KAZN: variants seen among roughly 807,000 people sequenced by gnomAD.
The protein encoded by KAZN is kazrin.
A neutral mutation model predicts 87.4 loss-of-function variants in KAZN; 40 were observed. The ratio of observed to expected loss-of-function variants is 0.46; its 90% CI spans 0.36 to 0.60. The LOEUF is 0.60. Ranked by LOEUF, KAZN falls within the 20% of genes least tolerant of loss-of-function variation. KAZN has a pLI of 0.00. For synonymous variants in KAZN, 466 were observed against 458.3 expected (o/e 1.02, Z -0.22); for missense variants, 898 against 1,073.9 (o/e 0.84, Z 2.29).
chr1:14,625,907 C>T (rs1417229032), intron 1 of KAZN, among the ~76,000 whole-genome samples: 1 of 152,224 alleles, frequency 6.6e-6, no homozygotes, highest in Non-Finnish European at 1.5e-5. Context: ...TTCTCCCTGG[C>T]CGCACCCATA....
At chr1:15,025,235 G>A (rs1038516176) in intron 2 of KAZN, among the ~76,000 whole-genome samples, 2 of 152,190 alleles carry the variant, frequency 1.3e-5, no homozygotes, top group Non-Finnish European at 2.9e-5. Flanking sequence ...TTTGGCCCAG[G>A]TGAGGGAAAT....
At chr1:14,497,758 A>G (rs186142642) in intron 2 of KAZN, among the ~76,000 whole-genome samples, 11 of 152,266 alleles carry the variant, frequency 7.2e-5, no homozygotes, top group African/African-American at 2.6e-4. Flanking sequence ...CAGCCACCCG[A>G]TCAACATATT....
intron 1 of KAZN, among the ~76,000 whole-genome samples, chr1:13,980,708 C>G (rs2101074609): frequency 6.6e-6 from 1 of 152,238 alleles, no homozygotes; most frequent in African/African-American, 2.4e-5. Flanking sequence ...GTAATCGATA[C>G]ACCAAGCAGA....
chr1:14,507,711 A>G (rs889351349), intron 2 of KAZN, among the ~76,000 whole-genome samples: 2 of 152,168 alleles, frequency 1.3e-5, no homozygotes, highest in African/African-American at 4.8e-5. Flanking sequence ...TGAATCAAAC[A>G]CTGATGGAAT....
At chr1:14,427,666 C>A (rs1665816749) in intron 2 of KAZN, among the ~76,000 whole-genome samples, 2 of 151,668 alleles carry the variant, frequency 1.3e-5, no homozygotes, top group African/African-American at 4.8e-5. Context: ...AAGTATAATC[C>A]ATATAGAATA....
intron 1 of KAZN, among the ~76,000 whole-genome samples, chr1:13,920,314 G>A (rs1276599109): frequency 1.3e-5 from 2 of 150,540 alleles, no homozygotes; most frequent in Non-Finnish European, 2.9e-5. Flanking sequence ...CATGAATCAA[G>A]TGTCCATCCT....
intron 6 of KAZN, chr1:15,060,587 C>A (rs1185178479): frequency 2.3e-6 from 1 of 443,798 alleles, no homozygotes; most frequent in East Asian, 4.2e-5. Flanking sequence ...CCCCAGTGGG[C>A]CCTGTCTGGG....
chr1:14,211,260 G>A (rs948683707), intron 2 of KAZN, among the ~76,000 whole-genome samples: 36 of 151,930 alleles, frequency 2.4e-4, no homozygotes, highest in African/African-American at 6.0e-4. Context: ...TTGCTCTGTC[G>A]CCCAGGCTGG....
At chr1:14,430,600 G>A (rs1454249015) in intron 2 of KAZN, among the ~76,000 whole-genome samples, 1 of 152,142 alleles carries the variant, frequency 6.6e-6, no homozygotes, top group African/African-American at 2.4e-5. Context: ...ATAAGAGGTG[G>A]ACAGGATAAC....
At chr1:15,078,382 G>A (rs1295920073) in intron 8 of KAZN, among the ~76,000 whole-genome samples, 3 of 152,102 alleles carry the variant, frequency 2.0e-5, no homozygotes, top group African/African-American at 7.2e-5. Flanking sequence ...TCCAGCCTGG[G>A]CAACACAGCG....
At chr1:14,390,199 G>C (rs190941220) in intron 2 of KAZN, among the ~76,000 whole-genome samples, 3 of 152,234 alleles carry the variant, frequency 2.0e-5, no homozygotes, top group African/African-American at 7.2e-5. Flanking sequence ...CCTCTACTAG[G>C]TGCTCAACAA....
At chr1:14,688,076 G>A (rs1313867437) in intron 1 of KAZN, among the ~76,000 whole-genome samples, 2 of 152,102 alleles carry the variant, frequency 1.3e-5, no homozygotes, top group East Asian at 1.9e-4. Context: ...ACCCCCACCC[G>A]TGCCCTAGAC....
At chr1:14,682,895 C>G (rs1203558162) in intron 1 of KAZN, among the ~76,000 whole-genome samples, 1 of 152,202 alleles carries the variant, frequency 6.6e-6, no homozygotes, top group Non-Finnish European at 1.5e-5. Flanking sequence ...GGCAGCTCTT[C>G]TCTCCCATTT....
At chr1:14,176,659 T>A (rs944950498) in intron 1 of KAZN, among the ~76,000 whole-genome samples, 2 of 152,224 alleles carry the variant, frequency 1.3e-5, no homozygotes, top group African/African-American at 4.8e-5. Flanking sequence ...GGCACAGCTC[T>A]GATGTCATAT....
intron 1 of KAZN, among the ~76,000 whole-genome samples, chr1:14,866,282 C>T (rs1050821862): frequency 3.3e-5 from 5 of 152,168 alleles, no homozygotes; most frequent in African/African-American, 9.7e-5. Context: ...ATTACCTCAC[C>T]GAAAGCAGGT....
At position 14,734,541 on chromosome 1, in the gene KAZN, G is replaced by A. The variant is rs192986193; in HGVS notation, c.226+135318G>A. Among the ~76,000 whole-genome samples the A allele has an allele frequency of 3.3e-5, 5 of 152,116 alleles. No homozygotes were observed. The East Asian group carries it at 9.7e-4, about 29-fold the overall frequency. The stretch of plus-strand genomic sequence containing the variant: ...TTGGTCAGGCTGGTCTTGAACTCCC[G>A]ACCTCAGGTGATACACCCGCCTTGG... On this transcript the variant is annotated intron_variant, in intron 1 of 14. Transcript: ENST00000376030.
intron 1 of KAZN, among the ~76,000 whole-genome samples, chr1:14,144,286 G>A (rs1645300279): frequency 6.6e-6 from 1 of 152,120 alleles, no homozygotes; most frequent in African/African-American, 2.4e-5. Flanking sequence ...TTCCAGGATA[G>A]CATGTCTTCC....
In KAZN at chr1:14,955,234, G is replaced by T. The variant is rs539415397; in HGVS notation, c.227-5450G>T. 2.0e-5 allele frequency among the ~76,000 whole-genome samples: 3 copies of T among 152,388 alleles called. No homozygotes were observed. The East Asian group carries it at 5.8e-4, about 29-fold the overall frequency. ...AAATGTGGTTGGTCCCGTCAGTGCA[G>T]AGGGGAAGGTGAGTTGTGGACACAG... On this transcript the variant is annotated intron_variant, in intron 1 of 14. Transcript: ENST00000376030.
chr1:14,546,483 G>A (rs1673154019), intron 2 of KAZN, among the ~76,000 whole-genome samples: 1 of 151,762 alleles, frequency 6.6e-6, no homozygotes, highest in South Asian at 2.1e-4. Context: ...AAGAAGAGAA[G>A]AGCCTTTCCC....
Sources: gnomAD v4.1 joint callset for allele counts (sites outside exome capture counted in the v4.1 genomes callset) on GRCh38, gnomAD v4.1.1 for gene constraint, MANE v1.5 for transcripts, NCBI Gene and HGNC (gene_info 2026-07-23, HGNC 2026-07-21) for gene names.